AUTS2: variants seen among roughly 807,000 people sequenced by gnomAD.
AUTS2 encodes the protein autism susceptibility gene 2 protein.
A neutral mutation model predicts 112.4 loss-of-function variants in AUTS2; 17 were observed. That is an observed-to-expected ratio of 0.15 (90% CI 0.10 to 0.23). AUTS2 has a LOEUF of 0.23. Ranked by LOEUF, AUTS2 falls within the 10% of genes least tolerant of loss-of-function variation. The probability of loss-of-function intolerance (pLI) is 1.00; values close to 1 mark genes in which losing one functional copy is unlikely to be tolerated. For missense variants in AUTS2, 1,510 were observed against 1,701.6 expected (o/e 0.89, Z 1.98); for synonymous variants, 751 against 702.7 (o/e 1.07, Z -1.09).
rs1193017812 is a variant in AUTS2 at position 69,848,247 on chromosome 7, A to G, written c.310-51039A>G. ...GAAAGACGATTGCAGCCTGTACTGCATTGCCCCTATCTGTAACCCCATTAA... is the reference window on the plus strand; with the variant it reads ...GAAAGACGATTGCAGCCTGTACTGCGTTGCCCCTATCTGTAACCCCATTAA... On this transcript the variant is annotated intron_variant, in intron 1 of 18. Coordinates refer to ENST00000342771, the MANE Select transcript of AUTS2 (RefSeq NM_015570.4). 2.6e-5 allele frequency among the ~76,000 whole-genome samples: 4 copies of G among 152,328 alleles called. No individual in the cohort carries two copies. The East Asian group carries it at 7.7e-4, about 29-fold the overall frequency.
intron 4 of AUTS2, among the ~76,000 whole-genome samples, chr7:70,283,526 G>C (rs1788318293): frequency 6.6e-6 from 1 of 152,008 alleles, no homozygotes; most frequent in South Asian, 2.1e-4. Flanking sequence ...ATGAAATACT[G>C]CATATAGTTC....
intron 2 of AUTS2, among the ~76,000 whole-genome samples, chr7:69,958,182 C>T (rs937378681): frequency 1.3e-5 from 2 of 152,106 alleles, no homozygotes; most frequent in Non-Finnish European, 2.9e-5. Flanking sequence ...CCAATCCCGA[C>T]CTGGTATCTT....
intron 4 of AUTS2, among the ~76,000 whole-genome samples, chr7:70,345,728 CAAGACTCTCATGACTTTCTT>C (rs1791465815): frequency 6.6e-6 from 1 of 152,184 alleles, no homozygotes; most frequent in Non-Finnish European, 1.5e-5. Context: ...TATTACTCGC[CAAGACTCTCATGACTTTCTT>C]CAAGCATTCA....
At chr7:70,295,251 T>G (rs1169981250) in intron 4 of AUTS2, among the ~76,000 whole-genome samples, 1 of 152,232 alleles carries the variant, frequency 6.6e-6, no homozygotes, top group Non-Finnish European at 1.5e-5. Context: ...GTCTATTAAG[T>G]GGCATTCTAG....
chr7:70,255,684 T>TA (rs1786830748), intron 4 of AUTS2, among the ~76,000 whole-genome samples: 2 of 152,202 alleles, frequency 1.3e-5, no homozygotes, highest in South Asian at 4.1e-4. Flanking sequence ...TCTTTGTTGT[T>TA]ATGTTTGCTT....
At chr7:69,824,207 T>A (rs1208327740) in intron 1 of AUTS2, among the ~76,000 whole-genome samples, 3 of 151,416 alleles carry the variant, frequency 2.0e-5, no homozygotes, top group Non-Finnish European at 4.4e-5. Context: ...AAGTCAGGAG[T>A]TCGAGACCAT....
chr7:70,486,236 G>A (rs1797993810), intron 5 of AUTS2, among the ~76,000 whole-genome samples: 2 of 152,194 alleles, frequency 1.3e-5, no homozygotes, highest in Non-Finnish European at 2.9e-5. Flanking sequence ...GGGTTAGCAT[G>A]TAAGCTTGCT....
At chr7:69,998,263 A>G (rs1444206193) in intron 2 of AUTS2, among the ~76,000 whole-genome samples, 1 of 152,006 alleles carries the variant, frequency 6.6e-6, no homozygotes, top group Admixed American at 6.6e-5. Context: ...CCTAGGCTAG[A>G]CTTGAATTCC....
intron 4 of AUTS2, among the ~76,000 whole-genome samples, chr7:70,423,424 C>T (rs986138208): frequency 6.6e-6 from 1 of 152,174 alleles, no homozygotes; most frequent in African/African-American, 2.4e-5. Flanking sequence ...CAGTAATCAC[C>T]TAGTGTTTTT....
At chr7:70,038,334 T>G (rs1357660080) in intron 2 of AUTS2, among the ~76,000 whole-genome samples, 1 of 152,140 alleles carries the variant, frequency 6.6e-6, no homozygotes, top group African/African-American at 2.4e-5. Flanking sequence ...CTTTCTGGGT[T>G]TCCAAAGAGA....
At position 70,640,176 on chromosome 7, in the gene AUTS2, A is replaced by G. The variant is rs569621002; in HGVS notation, c.691-58393A>G. ...TTCTCGGGGAGGCTGTGATGTATACAGTACACGGATGTGCATGTCTCATGA... is the reference window on the plus strand; with the variant it reads ...TTCTCGGGGAGGCTGTGATGTATACGGTACACGGATGTGCATGTCTCATGA... On this transcript the variant is annotated intron_variant, in intron 5 of 18. Coordinates refer to ENST00000342771, the MANE Select transcript of AUTS2 (RefSeq NM_015570.4). 2.0e-5 allele frequency among the ~76,000 whole-genome samples: 3 copies of G among 152,192 alleles called. No homozygotes were observed. The East Asian group carries it at 5.8e-4, about 29-fold the overall frequency.
chr7:70,716,729 G>A (rs1218736211), intron 6 of AUTS2, among the ~76,000 whole-genome samples: 1 of 151,534 alleles, frequency 6.6e-6, no homozygotes, highest in Non-Finnish European at 1.5e-5. Flanking sequence ...TATGTCTGGG[G>A]TGGAAGATCC....
At chr7:69,838,217 G>C (rs1791811622) in intron 1 of AUTS2, among the ~76,000 whole-genome samples, 1 of 152,166 alleles carries the variant, frequency 6.6e-6, no homozygotes, top group Admixed American at 6.6e-5. Flanking sequence ...TTTGCATGAA[G>C]TTAGAAGAAT....
chr7:70,289,934 G>C (rs1427774007), intron 4 of AUTS2, among the ~76,000 whole-genome samples: 1 of 152,188 alleles, frequency 6.6e-6, no homozygotes, highest in Non-Finnish European at 1.5e-5. Flanking sequence ...AATTTAGTAA[G>C]AGGGGCTGCA....
intron 4 of AUTS2, among the ~76,000 whole-genome samples, chr7:70,147,379 T>TAC (rs1807185089): frequency 6.6e-6 from 1 of 151,974 alleles, no homozygotes; most frequent in African/African-American, 2.4e-5. Flanking sequence ...TTGAAATGAG[T>TAC]GTGTAGATGG....
intron 1 of AUTS2, among the ~76,000 whole-genome samples, chr7:69,827,053 C>A (rs1562910417): frequency 1.3e-5 from 2 of 152,098 alleles, no homozygotes; most frequent in Non-Finnish European, 2.9e-5. Context: ...GAGTGTTTCT[C>A]CCAGTTACCA....
intron 6 of AUTS2, among the ~76,000 whole-genome samples, chr7:70,759,519 G>C (rs1244013902): frequency 1.3e-5 from 2 of 152,220 alleles, no homozygotes; most frequent in African/African-American, 4.8e-5. Flanking sequence ...GTGCCGTACA[G>C]ATTTGCAGGG....
chr7:70,606,280 G>A (rs1040326172), intron 5 of AUTS2, among the ~76,000 whole-genome samples: 4 of 152,100 alleles, frequency 2.6e-5, no homozygotes, highest in Non-Finnish European at 4.4e-5. Flanking sequence ...TTAACTAGAC[G>A]ATTTAGGACT....
At chr7:70,221,835 C>T (rs982470076) in intron 4 of AUTS2, among the ~76,000 whole-genome samples, 1 of 152,076 alleles carries the variant, frequency 6.6e-6, no homozygotes, top group Non-Finnish European at 1.5e-5. Flanking sequence ...TGCAGTGAGC[C>T]GAAATCATGC....
Sources: allele counts gnomAD v4.1 joint callset (sites outside exome capture counted in the v4.1 genomes callset), GRCh38; gene constraint gnomAD v4.1.1; transcripts MANE v1.5; gene names NCBI Gene and HGNC (gene_info 2026-07-23, HGNC 2026-07-21).